BICC1: variants seen among roughly 807,000 people sequenced by gnomAD.
The protein encoded by BICC1 is BicC family RNA binding protein 1.
Under a neutral mutation model 111.0 loss-of-function variants are expected in BICC1, and 43 were observed. The ratio of observed to expected loss-of-function variants is 0.39; its 90% CI spans 0.30 to 0.50. BICC1 has a LOEUF of 0.50. BICC1 is among the 20% of genes least tolerant of loss of function. BICC1 has a pLI of 0.88. For synonymous variants in BICC1, 467 were observed against 434.4 expected, an observed-to-expected ratio of 1.07 and a Z score of -0.93; for missense variants, 1,091 against 1,203.2, an observed-to-expected ratio of 0.91 and a Z score of 1.38.
chr10:58,580,694 C>T (rs1564496536), intron 1 of BICC1, among the ~76,000 whole-genome samples: 2 of 152,108 alleles, frequency 1.3e-5, no homozygotes, highest in African/African-American at 2.4e-5. Context: ...TTCCATTTCC[C>T]TGGATATTAT....
At chr10:58,692,174 GAA>G (rs1042364387) in intron 2 of BICC1, among the ~76,000 whole-genome samples, 12 of 147,570 alleles carry the variant, frequency 8.1e-5, no homozygotes, top group African/African-American at 3.2e-4. Context: ...ATGAGAGAGA[GAA>G]AGAGAGAGAG....
At chr10:58,765,721 G>A (rs1365520050) in intron 3 of BICC1, among the ~76,000 whole-genome samples, 1 of 152,124 alleles carries the variant, frequency 6.6e-6, no homozygotes, top group Non-Finnish European at 1.5e-5. Flanking sequence ...CTAAGATGAG[G>A]ACTCACAGGG....
intron 2 of BICC1, among the ~76,000 whole-genome samples, chr10:58,656,875 G>A (rs1381864709): frequency 6.6e-6 from 1 of 152,116 alleles, no homozygotes; most frequent in Non-Finnish European, 1.5e-5. Flanking sequence ...AATCACAGAT[G>A]GTTAATTTTA....
At chr10:58,636,236 A>G (rs1420526194) in intron 2 of BICC1, among the ~76,000 whole-genome samples, 1 of 152,202 alleles carries the variant, frequency 6.6e-6, no homozygotes, top group Non-Finnish European at 1.5e-5. Context: ...TATCTGAGTC[A>G]TATGACTAGC....
chr10:58,709,515 C>T (rs927716922), intron 3 of BICC1, among the ~76,000 whole-genome samples: 4 of 152,268 alleles, frequency 2.6e-5, no homozygotes, highest in Non-Finnish European at 2.9e-5. Context: ...TTTGTGAATC[C>T]GTCTATCCCT....
intron 1 of BICC1, among the ~76,000 whole-genome samples, chr10:58,616,712 TGAG>T (rs1845617869): frequency 6.6e-6 from 1 of 152,226 alleles, no homozygotes; most frequent in Non-Finnish European, 1.5e-5. Flanking sequence ...TTGACAAAAC[TGAG>T]ACAGTACCAC....
intron 1 of BICC1, among the ~76,000 whole-genome samples, chr10:58,542,620 A>G (rs1843022935): frequency 6.6e-6 from 1 of 152,168 alleles, no homozygotes; most frequent in African/African-American, 2.4e-5. Flanking sequence ...TATATCTCAT[A>G]ACGGGTACAT....
chr10:58,715,468 G>A (rs1176458216), intron 3 of BICC1: 4 of 768,294 alleles, frequency 5.2e-6, no homozygotes, highest in South Asian at 1.4e-5. Flanking sequence ...GTGGGGAGGC[G>A]GCAAGAGGAC....
intron 2 of BICC1, among the ~76,000 whole-genome samples, chr10:58,662,498 T>C (rs897344779): frequency 2.6e-5 from 4 of 152,172 alleles, no homozygotes; most frequent in African/African-American, 9.7e-5. Context: ...AGCAAGCATC[T>C]GTATTTACAA....
At chr10:58,669,594 C>T (rs1839119748) in intron 2 of BICC1, among the ~76,000 whole-genome samples, 1 of 151,882 alleles carries the variant, frequency 6.6e-6, no homozygotes, top group Admixed American at 6.6e-5. Flanking sequence ...AACAATATTC[C>T]TAGGGAAACA....
intron 2 of BICC1, among the ~76,000 whole-genome samples, chr10:58,672,485 G>T (rs1053888556): frequency 1.1e-4 from 17 of 152,254 alleles, no homozygotes; most frequent in Admixed American, 6.5e-4. Context: ...GCTTCATATT[G>T]CAGCTTAGAA....
intron 1 of BICC1, among the ~76,000 whole-genome samples, chr10:58,551,848 G>T (rs942955743): frequency 1.1e-4 from 16 of 151,998 alleles, no homozygotes; most frequent in Admixed American, 1.0e-3. Context: ...GTATTATTTT[G>T]TTACAGCAGC....
chr10:58,693,582 G>C (rs1219958665), intron 2 of BICC1, among the ~76,000 whole-genome samples: 1 of 152,196 alleles, frequency 6.6e-6, no homozygotes, highest in East Asian at 1.9e-4. Context: ...ATCTCATTGT[G>C]GTTTTGATTT....
At chr10:58,591,264 C>G (rs1340543915) in intron 1 of BICC1, among the ~76,000 whole-genome samples, 1 of 152,104 alleles carries the variant, frequency 6.6e-6, no homozygotes, top group African/African-American at 2.4e-5. Flanking sequence ...GGGACACTTT[C>G]TTTGGTCAAG....
At chr10:58,764,624 T>C (rs1842406939) in intron 3 of BICC1, among the ~76,000 whole-genome samples, 1 of 138,566 alleles carries the variant, frequency 7.2e-6, no homozygotes, top group South Asian at 2.4e-4. Context: ...ATCACTAATT[T>C]CCTTCTTTTT....
chr10:58,806,566 T>A lies in BICC1; in HGVS notation c.2182-18T>A. 6.2e-7 allele frequency: 1 copy of A among 1,610,942 alleles called. No individual in the cohort carries two copies. Among genetic ancestry groups the A allele is most frequent in the Non-Finnish European group, 8.5e-7 (1 of 1,177,286 alleles). ...TTGGAGAGACTGTCAATAAAGGTATTTTCTGTTTCATTTTCAGGCATTTGA... is the reference window on the plus strand; with the variant it reads ...TTGGAGAGACTGTCAATAAAGGTATATTCTGTTTCATTTTCAGGCATTTGA... On this transcript the variant is annotated intron_variant, in intron 15 of 20. Coordinates refer to ENST00000373886, the MANE Select transcript of BICC1 (RefSeq NM_001080512.3).
intron 3 of BICC1, among the ~76,000 whole-genome samples, chr10:58,742,731 C>G (rs909458569): frequency 6.6e-6 from 1 of 152,146 alleles, no homozygotes; most frequent in Non-Finnish European, 1.5e-5. Context: ...AGCCACTGTT[C>G]CCAGCCAAAA....
rs528665003 is a variant in BICC1, at chr10:58,653,081, A to C, written c.237+32180A>C. Among the ~76,000 whole-genome samples, 87 of 152,304 alleles carry C rather than the reference A, an allele frequency of 5.7e-4. 1 individual carries two copies. The highest frequency in any genetic ancestry group is 2.0e-3 in the African/African-American group (85 of 41,570). ...GTACAAAGTTATTACCTTAGAGCTA[A>C]TCATTGATTTTTTTATGAAGTAAAT... On this transcript the variant is annotated intron_variant, in intron 2 of 20. Coordinates refer to ENST00000373886, the MANE Select transcript of BICC1 (RefSeq NM_001080512.3).
intron 3 of BICC1, among the ~76,000 whole-genome samples, chr10:58,746,914 A>G (rs1423000188): frequency 6.6e-6 from 1 of 152,184 alleles, no homozygotes; most frequent in African/African-American, 2.4e-5. Context: ...AACAATAGCC[A>G]TGATTCTGGC....
Sources: gnomAD v4.1 joint callset for allele counts (sites outside exome capture counted in the v4.1 genomes callset) on GRCh38, gnomAD v4.1.1 for gene constraint, MANE v1.5 for transcripts, NCBI Gene and HGNC (gene_info 2026-07-23, HGNC 2026-07-21) for gene names.